The following DGKB variants were observed in gnomAD, a reference collection of about 807,000 sequenced individuals.
DGKB encodes the protein 90 kDa diacylglycerol kinase.
A neutral mutation model predicts 114.3 loss-of-function variants in DGKB; 67 were observed. The ratio of observed to expected loss-of-function variants is 0.59; its 90% CI spans 0.48 to 0.72. The LOEUF (loss-of-function observed/expected upper bound fraction) is 0.72, where lower values mean the gene tolerates loss of function less well. Among genes scored for constraint, DGKB ranks in the 30% least tolerant of loss-of-function variants. The pLI, the probability that DGKB is intolerant of heterozygous loss-of-function variation, is 0.00. For missense variants in DGKB, 907 were observed against 975.2 expected (o/e 0.93, Z 0.93); for synonymous variants, 398 against 323.1 (o/e 1.23, Z -2.49).
intron 1 of DGKB, among the ~76,000 whole-genome samples, chr7:14,900,223 T>C (rs1244372498): frequency 6.6e-6 from 1 of 152,126 alleles, no homozygotes; most frequent in African/African-American, 2.4e-5. Flanking sequence ...GGACATAACA[T>C]ATGTGACTCA....
At chr7:14,695,367 T>C (rs1181724775) in intron 8 of DGKB, among the ~76,000 whole-genome samples, 1 of 151,920 alleles carries the variant, frequency 6.6e-6, no homozygotes, top group Non-Finnish European at 1.5e-5. Flanking sequence ...CCCATGGGCC[T>C]CATAAAAAAA....
rs374465564 is a variant in DGKB, at chr7:14,616,227, CATAT to C, written c.1285-2818_1285-2815del. ...TACATATATATAATATACATATATA[CATAT>C]ATATATATACACACAATACAACCAT... On this transcript the variant is annotated intron_variant, in intron 15 of 25. Coordinates refer to ENST00000402815, the MANE Select transcript of DGKB (RefSeq NM_001350709.2). Among the ~76,000 whole-genome samples the C allele has an allele frequency of 1.8e-4, 27 of 146,902 alleles. No individual in the cohort carries two copies. The South Asian group carries it at 5.3e-3, about 29-fold the overall frequency.
chr7:14,276,861 T>C, intron 23 of DGKB, among the ~76,000 whole-genome samples: 1 of 152,104 alleles, frequency 6.6e-6, no homozygotes, highest in Admixed American at 6.5e-5. Context: ...TTTTACATCT[T>C]TTAATATTCT....
Position 14,660,629 on chromosome 7 carries a change from C to T in DGKB, c.1134+12300G>A, listed in dbSNP as rs184365408. Among the ~76,000 whole-genome samples, 4 of 151,776 alleles carry T rather than the reference C, an allele frequency of 2.6e-5. No homozygotes were observed. In the East Asian group the frequency reaches 5.8e-4, roughly 22 times the overall value. ...TCTCTTTTTTTCTTTATTAGTCTTG[C>T]TAGCGGTTTATCAATTTTGATGCCA... On this transcript the variant is annotated intron_variant, in intron 13 of 25. Coordinates refer to ENST00000402815, the MANE Select transcript of DGKB (RefSeq NM_001350709.2).
rs796163336 is a variant in DGKB, at chr7:14,933,881, CT to C, written c.-188+40814del. Among the ~76,000 whole-genome samples the C allele has an allele frequency of 5.3e-5, 8 of 151,970 alleles. No individual in the cohort carries two copies. In the East Asian group the frequency reaches 5.8e-4, roughly 11 times the overall value. On this transcript the variant is annotated intron_variant, in intron 1 of 4. Coordinates refer to the DGKB transcript ENST00000437998. ...GATATCTGAAAATTACAAAAAATTG[CT>C]TTTTTTTAAATCAATTATAGCACAT...
At chr7:14,314,208 T>G (rs994514079) in intron 23 of DGKB, among the ~76,000 whole-genome samples, 1 of 151,898 alleles carries the variant, frequency 6.6e-6, no homozygotes, top group African/African-American at 2.4e-5. Flanking sequence ...AACTGGAAAC[T>G]CTAAAAATCA....
intron 1 of DGKB, among the ~76,000 whole-genome samples, chr7:14,908,462 A>G (rs1783823826): frequency 6.6e-6 from 1 of 152,200 alleles, no homozygotes; most frequent in African/African-American, 2.4e-5. Flanking sequence ...TCAGTTTTGA[A>G]AGAGAACAGA....
intron 20 of DGKB, among the ~76,000 whole-genome samples, chr7:14,491,283 A>C (rs1271899208): frequency 6.6e-6 from 1 of 151,952 alleles, no homozygotes; most frequent in Non-Finnish European, 1.5e-5. Context: ...ATGGTTTTTT[A>C]AGGGGAAACT....
At chr7:14,227,866 T>C (rs1584576314) in intron 23 of DGKB, among the ~76,000 whole-genome samples, 1 of 152,044 alleles carries the variant, frequency 6.6e-6, no homozygotes, top group Admixed American at 6.6e-5. Flanking sequence ...TAAGATCATA[T>C]CTATGTTCAG....
chr7:14,908,290 C>G (rs1044545245), upstream of DGKB, among the ~76,000 whole-genome samples: 3 of 152,110 alleles, frequency 2.0e-5, no homozygotes, highest in African/African-American at 7.2e-5. Context: ...TGAGCAATAT[C>G]CCATCACTCT....
intron 23 of DGKB, among the ~76,000 whole-genome samples, chr7:14,330,980 T>G (rs1809624499): frequency 6.6e-6 from 1 of 151,954 alleles, no homozygotes; most frequent in African/African-American, 2.4e-5. Flanking sequence ...TTTACAAACT[T>G]CAAAATTATA....
In DGKB at chr7:14,756,355, T is replaced by C. The variant is rs181961841; in HGVS notation, c.147+1300A>G. Among the ~76,000 whole-genome samples, 62 of 152,106 alleles carry C rather than the reference T, an allele frequency of 4.1e-4. No individual in the cohort carries two copies. In the East Asian group the frequency reaches 8.7e-3, roughly 21 times the overall value. ...TTCTCAGTTTTGTAAGTTTAGCTGC[T>C]AATTTTTTTTTCCTCCTCCTCTATG... is the stretch of plus-strand genomic sequence containing the variant. On this transcript the variant is annotated intron_variant, in intron 3 of 25. Coordinates refer to ENST00000402815, the MANE Select transcript of DGKB (RefSeq NM_001350709.2).
chr7:14,537,910 G>A (rs1049452569), intron 20 of DGKB, among the ~76,000 whole-genome samples: 19 of 152,026 alleles, frequency 1.2e-4, no homozygotes, highest in African/African-American at 2.7e-4. Flanking sequence ...GAGAAACCCC[G>A]TCTCTACTAA....
chr7:14,531,736 A>G (rs770015163), intron 20 of DGKB, among the ~76,000 whole-genome samples: 1 of 151,452 alleles, frequency 6.6e-6, no homozygotes, highest in Non-Finnish European at 1.5e-5. Context: ...AAGATTTTGA[A>G]AAGGAAGAAG....
intron 2 of DGKB, among the ~76,000 whole-genome samples, chr7:14,829,998 C>T (rs112202905): frequency 1.2e-4 from 18 of 152,142 alleles, no homozygotes; most frequent in Non-Finnish European, 2.5e-4. Context: ...CTAGAGATCA[C>T]TGGGCAGTAT....
chr7:14,149,120 A>T lies in DGKB; in HGVS notation c.*11T>A. On this transcript the variant is annotated 3_prime_UTR_variant, in exon 26 of 26. Transcript: ENST00000402815. ...TGCTAATTCAATTTCTAAGAGTGAA[A>T]CAACACAGGATTATTCCTTGCTTCG... is the stretch of plus-strand genomic sequence containing the variant. 6.2e-7 allele frequency: 1 copy of T among 1,609,752 alleles called. No individual in the cohort carries two copies. The highest frequency in any genetic ancestry group is 8.5e-7 in the Non-Finnish European group (1 of 1,176,174).
intron 23 of DGKB, among the ~76,000 whole-genome samples, chr7:14,208,798 A>G (rs1279118560): frequency 6.6e-6 from 1 of 151,904 alleles, no homozygotes; most frequent in Non-Finnish European, 1.5e-5. Context: ...CTGAAAACAC[A>G]GCTAGTGTTT....
intron 20 of DGKB, among the ~76,000 whole-genome samples, chr7:14,541,120 T>C (rs930312891): frequency 1.3e-4 from 20 of 151,790 alleles, no homozygotes; most frequent in African/African-American, 4.8e-4. Context: ...TTTTTTTTTT[T>C]CTAGACACAT....
rs540706340 is a variant in DGKB at position 14,184,368 on chromosome 7, G to A, written c.2123-6217C>T. On this transcript the variant is annotated intron_variant, in intron 23 of 25. Transcript: ENST00000402815. The stretch of plus-strand genomic sequence containing the variant: ...GGGAAGAACCAAGACCTTTTCTTTC[G>A]CAGTTGGGAGGTGAGTTTTCAGGCC... 1.5e-3 allele frequency among the ~76,000 whole-genome samples: 231 copies of A among 152,234 alleles called. 1 individual carries two copies. The highest frequency in any genetic ancestry group is 5.2e-3 in the African/African-American group (218 of 41,546).
Sources: gnomAD v4.1 joint callset for allele counts (sites outside exome capture counted in the v4.1 genomes callset) on GRCh38, gnomAD v4.1.1 for gene constraint, MANE v1.5 for transcripts, NCBI Gene and HGNC (gene_info 2026-07-23, HGNC 2026-07-21) for gene names.